The following TRPM3 variants were observed in gnomAD, a reference collection of about 807,000 sequenced individuals.
TRPM3 encodes transient receptor potential cation channel subfamily M member 3.
TRPM3 carries 77 observed loss-of-function variants against 181.2 expected under a neutral mutation model. That is an observed-to-expected ratio of 0.42 (90% CI 0.35 to 0.51). TRPM3 has a LOEUF of 0.51. Ranked by LOEUF, TRPM3 falls within the 20% of genes least tolerant of loss-of-function variation. The pLI is 0.01. For missense variants in TRPM3, 1,759 were observed against 2,196.7 expected (o/e 0.80, Z 3.98); for synonymous variants, 745 against 796.4 (o/e 0.94, Z 1.09).
intron 1 of TRPM3, among the ~76,000 whole-genome samples, chr9:71,319,471 A>T (rs1375257421): frequency 6.6e-6 from 1 of 152,114 alleles, no homozygotes; most frequent in African/African-American, 2.4e-5. Flanking sequence ...CTTGAGAATG[A>T]ATCTGCCCTT....
At chr9:71,031,824 A>G (rs1391862264) in intron 1 of TRPM3, among the ~76,000 whole-genome samples, 1 of 148,722 alleles carries the variant, frequency 6.7e-6, no homozygotes, top group Admixed American at 6.9e-5. Flanking sequence ...AGCCATTAAA[A>G]TTTGACACTT....
intron 1 of TRPM3, among the ~76,000 whole-genome samples, chr9:71,217,001 A>G (rs1041123492): frequency 6.2e-5 from 7 of 113,300 alleles, no homozygotes; most frequent in African/African-American, 2.4e-4. Flanking sequence ...CCCAGGCTGG[A>G]GTGCAGTGGC....
At chr9:70,604,964 C>CTTTTTTTT (rs5898151) in intron 19 of TRPM3, among the ~76,000 whole-genome samples, 28,572 of 129,544 alleles carry the variant, frequency 0.22, 4,477 homozygotes, top group South Asian at 0.27. Context: ...ATGGATTCTT[C>CTTTTTTTT]TTTTTTTTTG....
chr9:70,637,950 T>C (rs922514566), intron 11 of TRPM3, among the ~76,000 whole-genome samples: 1 of 152,130 alleles, frequency 6.6e-6, no homozygotes, highest in Non-Finnish European at 1.5e-5. Flanking sequence ...TTAACGTGTA[T>C]ACCTGTGTAA....
chr9:71,182,553 T>C (rs1200996476), intron 1 of TRPM3, among the ~76,000 whole-genome samples: 1 of 152,144 alleles, frequency 6.6e-6, no homozygotes, highest in Non-Finnish European at 1.5e-5. Flanking sequence ...AAAGAGCCTA[T>C]TTATCCTAAA....
At chr9:71,289,828 T>A (rs1346689986) in intron 1 of TRPM3, among the ~76,000 whole-genome samples, 4 of 125,048 alleles carry the variant, frequency 3.2e-5, no homozygotes, top group Non-Finnish European at 6.3e-5. Flanking sequence ...AGAGTTAAGA[T>A]GGTGCCAACT....
intron 1 of TRPM3, among the ~76,000 whole-genome samples, chr9:71,328,456 G>A (rs1174885082): frequency 2.0e-5 from 3 of 152,128 alleles, no homozygotes; most frequent in African/African-American, 4.8e-5. Context: ...GTGAGCCACC[G>A]CACCCGGCCG....
At chr9:70,823,940 C>T (rs1022330011) in intron 6 of TRPM3, among the ~76,000 whole-genome samples, 1 of 152,132 alleles carries the variant, frequency 6.6e-6, no homozygotes, top group Non-Finnish European at 1.5e-5. Context: ...TGTTTCAGTC[C>T]TGACTGTTGG....
At chr9:71,041,356 C>T (rs187221301) in intron 1 of TRPM3, among the ~76,000 whole-genome samples, 143 of 152,180 alleles carry the variant, frequency 9.4e-4, no homozygotes, top group African/African-American at 3.0e-3. Flanking sequence ...GATGTCAAAA[C>T]GTAAAAACTT....
At chr9:70,760,546 A>C (rs2077935771) in intron 8 of TRPM3, 1 of 151,186 alleles carries the variant, frequency 6.6e-6, no homozygotes, top group Non-Finnish European at 1.5e-5. Context: ...GTACCTAGGT[A>C]TTGTCCTATT....
intron 1 of TRPM3, among the ~76,000 whole-genome samples, chr9:71,084,588 G>A (rs1025494152): frequency 2.6e-5 from 4 of 151,820 alleles, no homozygotes; most frequent in South Asian, 2.1e-4. Context: ...ATCTCTACAA[G>A]AAGAACTACA....
intron 1 of TRPM3, among the ~76,000 whole-genome samples, chr9:71,328,603 C>T (rs1262173604): frequency 1.3e-5 from 2 of 152,190 alleles, no homozygotes; most frequent in East Asian, 1.9e-4. Flanking sequence ...AGACTGATTT[C>T]GATTCCCAGA....
chr9:71,299,184 G>A (rs987949295), intron 1 of TRPM3, among the ~76,000 whole-genome samples: 1 of 152,124 alleles, frequency 6.6e-6, no homozygotes, highest in African/African-American at 2.4e-5. Context: ...AACTGACTAG[G>A]TGAAATACCT....
chr9:71,092,435 TAGC>T (rs2066385051), intron 1 of TRPM3, among the ~76,000 whole-genome samples: 1 of 152,204 alleles, frequency 6.6e-6, no homozygotes, highest in Non-Finnish European at 1.5e-5. Context: ...GTTTTTCTAA[TAGC>T]AGTAACACTA....
At chr9:71,137,754 A>G (rs2074855567) in intron 1 of TRPM3, among the ~76,000 whole-genome samples, 3 of 152,210 alleles carry the variant, frequency 2.0e-5, no homozygotes, top group Admixed American at 2.0e-4. Flanking sequence ...GATACATTTT[A>G]AGTATTTTTA....
intron 1 of TRPM3, among the ~76,000 whole-genome samples, chr9:70,896,633 GAAAC>G (rs903988091): frequency 2.0e-5 from 3 of 152,014 alleles, no homozygotes; most frequent in Admixed American, 2.0e-4. Context: ...AATAACAAAA[GAAAC>G]AAAAACTATA....
chr9:71,044,054 T>C (rs2059142859), intron 1 of TRPM3, among the ~76,000 whole-genome samples: 1 of 152,182 alleles, frequency 6.6e-6, no homozygotes. Context: ...CCTCCCATTT[T>C]CTAGGCTTTT....
intron 1 of TRPM3, among the ~76,000 whole-genome samples, chr9:71,245,484 C>A (rs1054665182): frequency 2.0e-5 from 3 of 151,412 alleles, no homozygotes; most frequent in African/African-American, 7.3e-5. Context: ...ATCTGAACTT[C>A]TTTCTTTAGA....
intron 16 of TRPM3, 108 bp downstream of exon 16, chr9:70,619,968 G>C (rs3829095): frequency 0.26 from 276,578 of 1,065,758 alleles, 37,684 homozygotes; most frequent in South Asian, 0.36. Context: ...GCATCACTGG[G>C]GTGATACTGA....
Sources: allele counts gnomAD v4.1 joint callset (sites outside exome capture counted in the v4.1 genomes callset), GRCh38; gene constraint gnomAD v4.1.1; transcripts MANE v1.5; gene names NCBI Gene and HGNC (gene_info 2026-07-23, HGNC 2026-07-21).